GLI3: variants seen among roughly 807,000 people sequenced by gnomAD.
The protein encoded by GLI3 is GLI family zinc finger 3.
GLI3 carries 20 observed loss-of-function variants against 100.8 expected under a neutral mutation model. That is an observed-to-expected ratio of 0.20 (90% CI 0.14 to 0.29). GLI3 has a LOEUF of 0.29. Ranked by LOEUF, GLI3 falls within the 10% of genes least tolerant of loss-of-function variation. GLI3 has a pLI of 1.00. For missense variants in GLI3, 2,040 were observed against 2,128.5 expected, an observed-to-expected ratio of 0.96 and a Z score of 0.82; for synonymous variants, 938 against 860.5, an observed-to-expected ratio of 1.09 and a Z score of -1.58.
chr7:42,172,436 G>A, intron 2 of GLI3: 1 of 629,776 alleles, frequency 1.6e-6, no homozygotes, highest in South Asian at 1.9e-5. Context: ...GAATTAGATA[G>A]TAAGATGAAA....
chr7:42,129,009 T>C (rs1276232216), intron 3 of GLI3, among the ~76,000 whole-genome samples: 6 of 152,188 alleles, frequency 3.9e-5, no homozygotes, highest in Non-Finnish European at 8.8e-5. Flanking sequence ...CAGTTCAAGA[T>C]AGCAGGCTGG....
At chr7:42,025,952 C>T (rs1789098171) in intron 8 of GLI3, among the ~76,000 whole-genome samples, 2 of 152,212 alleles carry the variant, frequency 1.3e-5, no homozygotes, top group African/African-American at 4.8e-5. Flanking sequence ...CACAGTGAAG[C>T]CTTATCAAGC....
chr7:42,195,574 G>A (rs1004704840), intron 2 of GLI3, among the ~76,000 whole-genome samples: 4 of 152,144 alleles, frequency 2.6e-5, no homozygotes, highest in Admixed American at 2.0e-4. Flanking sequence ...GCCCAGCTCT[G>A]TTCCCAATGG....
intron 13 of GLI3, 86 bp from the exon 14 acceptor site, chr7:41,968,009 G>T: frequency 1.0e-6 from 1 of 1,003,694 alleles, no homozygotes; most frequent in Non-Finnish European, 1.6e-6. Flanking sequence ...TGCATATCGA[G>T]ATCTTCAAGA....
At chr7:42,120,733 T>G (rs1785976981) in intron 3 of GLI3, among the ~76,000 whole-genome samples, 1 of 152,236 alleles carries the variant, frequency 6.6e-6, no homozygotes, top group Non-Finnish European at 1.5e-5. Context: ...TTACTTAACT[T>G]GGAATTGGTG....
intron 3 of GLI3, among the ~76,000 whole-genome samples, chr7:42,129,973 C>T (rs565911085): frequency 5.9e-5 from 9 of 152,214 alleles, no homozygotes; most frequent in South Asian, 4.2e-4. Context: ...AATGAACTTT[C>T]CTGGGAAAGT....
At chr7:41,996,459 A>G (rs1467946926) in intron 10 of GLI3, among the ~76,000 whole-genome samples, 2 of 152,174 alleles carry the variant, frequency 1.3e-5, no homozygotes. Flanking sequence ...GCTGGCTCAT[A>G]TACAAAGAAA....
At chr7:42,112,172 G>A (rs1359073212) in intron 3 of GLI3, among the ~76,000 whole-genome samples, 3 of 152,138 alleles carry the variant, frequency 2.0e-5, no homozygotes, top group African/African-American at 4.8e-5. Flanking sequence ...GGAAACCAAC[G>A]CTTTTTCTCC....
intron 2 of GLI3, among the ~76,000 whole-genome samples, chr7:42,188,298 G>A (rs781004692): frequency 6.6e-6 from 1 of 152,104 alleles, no homozygotes; most frequent in Non-Finnish European, 1.5e-5. Context: ...TAACTAGGTG[G>A]AAAGGTCTCT....
At chr7:42,019,046 T>C (rs944154355) in intron 10 of GLI3, among the ~76,000 whole-genome samples, 2 of 152,202 alleles carry the variant, frequency 1.3e-5, no homozygotes, top group Non-Finnish European at 2.9e-5. Context: ...TAATATTACA[T>C]GTGTTATTTC....
At chr7:42,146,563 A>T (rs552055953) in intron 3 of GLI3, among the ~76,000 whole-genome samples, 3 of 152,244 alleles carry the variant, frequency 2.0e-5, no homozygotes, top group Admixed American at 6.5e-5. Flanking sequence ...ATTAGTGGGC[A>T]TCTTGAAAAG....
intron 9 of GLI3, among the ~76,000 whole-genome samples, chr7:42,024,515 C>G (rs1273934042): frequency 6.6e-6 from 1 of 152,218 alleles, no homozygotes; most frequent in Non-Finnish European, 1.5e-5. Context: ...CTGAAGCAGC[C>G]TGATGACAGC....
chr7:42,002,176 A>C (rs962550939), intron 10 of GLI3, among the ~76,000 whole-genome samples: 6 of 152,156 alleles, frequency 3.9e-5, no homozygotes, highest in Non-Finnish European at 8.8e-5. Context: ...CTTTAAGGCA[A>C]AGTTTCTCAG....
intron 2 of GLI3, among the ~76,000 whole-genome samples, chr7:42,215,246 A>T (rs1788351884): frequency 1.3e-5 from 2 of 152,218 alleles, no homozygotes; most frequent in Admixed American, 1.3e-4. Context: ...TTCAAAACTC[A>T]TAGAACGGCA....
At chr7:42,166,178 A>C (rs1787237510) in intron 2 of GLI3, among the ~76,000 whole-genome samples, 1 of 152,078 alleles carries the variant, frequency 6.6e-6, no homozygotes, top group African/African-American at 2.4e-5. Flanking sequence ...CTTTCCACCC[A>C]ATGTCTACCA....
intron 1 of GLI3, among the ~76,000 whole-genome samples, chr7:42,263,454 T>TA (rs369032143): frequency 0.45 from 67,591 of 150,918 alleles, 15,165 homozygotes; most frequent in Middle Eastern, 0.57. Flanking sequence ...TTTATTTATT[T>TA]TTTTTTTTTG....
rs1418847530 is a variant in GLI3, at chr7:41,972,451, C to A, written c.1989G>T (p.Arg663Ser). 1 of 1,613,776 alleles carries A rather than the reference C, an allele frequency of 6.2e-7. No homozygotes were observed. The highest frequency in any genetic ancestry group is 2.2e-5 in the East Asian group (1 of 44,830). Residue 663 changes from arginine to serine, a missense_variant, in exon 13 of 15, where the codon AGG becomes AGT. Around this residue, in one of 5 missense-constraint regions of GLI3, gnomAD observed 327 missense variants for 338.7 expected, o/e 0.97. Transcript: ENST00000395925. This position sits in a 1 kb window ranked among gnomAD's most constrained non-coding sequence, Gnocchi z 4.4. ...PRDSGSHSQS[R>S]SPGRPTQGAL... is the part of the protein sequence containing the mutation. ...CTCCCTGAGTCGGTCGGCCAGGCGA[C>A]CTGGACTGTGAATGGCTGCCGGAAT...
At chr7:42,028,247 TCCAAACA>T (rs934556823) in intron 7 of GLI3, among the ~76,000 whole-genome samples, 1 of 152,188 alleles carries the variant, frequency 6.6e-6, no homozygotes, top group African/African-American at 2.4e-5. Context: ...TGCATGTATC[TCCAAACA>T]CCTTTCCAGG....
chr7:42,188,002 C>CAA (rs56140906), intron 2 of GLI3, among the ~76,000 whole-genome samples: 18 of 85,312 alleles, frequency 2.1e-4, no homozygotes, highest in African/African-American at 6.9e-4. Flanking sequence ...GACTCCATCT[C>CAA]AAAAAAAAAA....
Sources: allele counts gnomAD v4.1 joint callset (sites outside exome capture counted in the v4.1 genomes callset), GRCh38; gene constraint gnomAD v4.1.1; regional missense constraint gnomAD v4.1.1; non-coding constraint Gnocchi (gnomAD v3.1); transcripts MANE v1.5; gene names NCBI Gene and HGNC (gene_info 2026-07-23, HGNC 2026-07-21).